Variants in CDH11 observed in about 807,000 individuals in gnomAD.
CDH11 encodes cadherin-11.
CDH11 carries 11 observed loss-of-function variants against 67.8 expected under a neutral mutation model. That is an observed-to-expected ratio of 0.16 (90% CI 0.10 to 0.27). The LOEUF is 0.27. Among genes scored for constraint, CDH11 ranks in the 10% least tolerant of loss-of-function variants. The probability of loss-of-function intolerance (pLI) is 1.00; values close to 1 mark genes in which losing one functional copy is unlikely to be tolerated. For synonymous variants in CDH11, 419 were observed against 400.0 expected, an observed-to-expected ratio of 1.05 and a Z score of -0.57; for missense variants, 847 against 1,031.2, an observed-to-expected ratio of 0.82 and a Z score of 2.45.
intron 12 of CDH11, chr16:64,948,853 C>T (rs2071271141): frequency 9.1e-7 from 1 of 1,094,254 alleles, no homozygotes; most frequent in Non-Finnish European, 1.3e-6. Flanking sequence ...TCATTGATTC[C>T]CTCTTTTCCC....
At chr16:64,980,465 C>T (rs2072303479) in intron 8 of CDH11, among the ~76,000 whole-genome samples, 1 of 152,002 alleles carries the variant, frequency 6.6e-6, no homozygotes, top group Non-Finnish European at 1.5e-5. Context: ...TCTAGGGAGC[C>T]CTGGAAGAAT....
intron 1 of CDH11, among the ~76,000 whole-genome samples, chr16:65,118,065 G>GAA (rs2075272136): frequency 6.6e-6 from 1 of 152,180 alleles, no homozygotes; most frequent in African/African-American, 2.4e-5. Context: ...GGTCTCTCCT[G>GAA]AGAGGGCCAG....
chr16:64,999,542 CT>C (rs932532536), intron 3 of CDH11, among the ~76,000 whole-genome samples: 5 of 150,694 alleles, frequency 3.3e-5, no homozygotes, highest in East Asian at 1.9e-4. Flanking sequence ...TTGGGTTTTT[CT>C]TTTTTTTTGA....
chr16:65,102,516 C>T lies in CDH11; in HGVS notation c.-298+19364G>A, dbSNP rs575414423. Reference sequence around the variant, plus strand: ...CTGTAATACATTAACTCTGGACTTGCCCATATGACCCTGGCCTGTAGCCAA... The same window carrying T: ...CTGTAATACATTAACTCTGGACTTGTCCATATGACCCTGGCCTGTAGCCAA... On this transcript the variant is annotated intron_variant, in intron 1 of 12. Transcript: ENST00000268603. Among the ~76,000 whole-genome samples, 171 of 152,346 alleles carry T rather than the reference C, an allele frequency of 1.1e-3. 2 individuals carry two copies. Among genetic ancestry groups the T allele is most frequent in the Middle Eastern group, 3.4e-3 (1 of 294 alleles).
intron 2 of CDH11, among the ~76,000 whole-genome samples, chr16:65,046,653 A>G (rs1034911822): frequency 1.1e-4 from 17 of 152,182 alleles, no homozygotes; most frequent in African/African-American, 4.1e-4. Context: ...TGGCAAAATG[A>G]TTTTTTAAAA....
chr16:65,108,799 T>G (rs540835487), intron 1 of CDH11, among the ~76,000 whole-genome samples: 2 of 152,290 alleles, frequency 1.3e-5, no homozygotes, highest in Admixed American at 6.5e-5. Flanking sequence ...TTAGTCCTCT[T>G]TGGGTAGTGA....
intron 1 of CDH11, among the ~76,000 whole-genome samples, chr16:65,054,205 A>T (rs947050026): frequency 3.3e-5 from 5 of 152,218 alleles, no homozygotes; most frequent in Non-Finnish European, 7.3e-5. Context: ...TTCTTATAAC[A>T]TGCTGTGTCA....
intron 1 of CDH11, among the ~76,000 whole-genome samples, chr16:65,084,737 A>G (rs2142811715): frequency 6.6e-6 from 1 of 152,276 alleles, no homozygotes; most frequent in South Asian, 2.1e-4. Context: ...TTTTTGTATA[A>G]TATCTTACAA....
intron 2 of CDH11, among the ~76,000 whole-genome samples, chr16:65,028,000 G>A (rs1430615635): frequency 1.3e-5 from 2 of 152,254 alleles, no homozygotes; most frequent in South Asian, 2.1e-4. Flanking sequence ...AATTAAAAGA[G>A]GTCAGGATAT....
intron 11 of CDH11, among the ~76,000 whole-genome samples, chr16:64,964,600 G>A (rs547115290): frequency 6.6e-6 from 1 of 152,054 alleles, no homozygotes; most frequent in African/African-American, 2.4e-5. Flanking sequence ...CCAGGCTGGA[G>A]TGCAGTGGCC....
intron 1 of CDH11, among the ~76,000 whole-genome samples, chr16:65,077,182 G>A (rs1433345997): frequency 1.3e-5 from 2 of 152,190 alleles, no homozygotes; most frequent in Non-Finnish European, 2.9e-5. Flanking sequence ...ATACCTGCAT[G>A]TCTAACTTCT....
chr16:64,950,650 T>C, intron 12 of CDH11, 117 bp downstream of exon 12: 3 of 628,838 alleles, frequency 4.8e-6, no homozygotes, highest in Non-Finnish European at 6.7e-6. Flanking sequence ...TTTCTTGAAC[T>C]GTGTCGACAG....
At chr16:64,993,097 A>T (rs981608005) in intron 4 of CDH11, 63 bp from the exon 5 acceptor site, 10 of 1,388,414 alleles carry the variant, frequency 7.2e-6, no homozygotes, top group Admixed American at 5.1e-5. Context: ...GTTCTTGTTT[A>T]CAAAGTTTTA....
chr16:65,062,292 C>G (rs747142600), intron 1 of CDH11, among the ~76,000 whole-genome samples: 3 of 152,112 alleles, frequency 2.0e-5, no homozygotes, highest in Admixed American at 6.5e-5. Flanking sequence ...TCCAGACAAC[C>G]AAGAAATCCG....
At chr16:65,006,053 G>A (rs1294358507) in intron 2 of CDH11, among the ~76,000 whole-genome samples, 1 of 150,502 alleles carries the variant, frequency 6.6e-6, no homozygotes, top group Admixed American at 6.6e-5. Flanking sequence ...TTCTTCATTG[G>A]ACTTTCTCAT....
upstream of CDH11, chr16:65,122,432 G>A (rs1034296810): frequency 5.7e-6 from 1 of 176,540 alleles, no homozygotes; most frequent in African/African-American, 2.4e-5. Flanking sequence ...GGAAGCTGGA[G>A]AGGGGTTGGG....
chr16:65,091,671 C>A (rs1382164157), intron 1 of CDH11, among the ~76,000 whole-genome samples: 3 of 151,864 alleles, frequency 2.0e-5, no homozygotes, highest in Non-Finnish European at 4.4e-5. Context: ...CCTGCCTCAG[C>A]CTCCCGAGTA....
At chr16:65,058,662 T>C (rs1158259044) in intron 1 of CDH11, among the ~76,000 whole-genome samples, 1 of 152,178 alleles carries the variant, frequency 6.6e-6, no homozygotes, top group African/African-American at 2.4e-5. Context: ...GCTAGGATTG[T>C]AGATCATGAT....
At chr16:65,063,309 A>G (rs1178041779) in intron 1 of CDH11, among the ~76,000 whole-genome samples, 1 of 152,078 alleles carries the variant, frequency 6.6e-6, no homozygotes, top group Non-Finnish European at 1.5e-5. Flanking sequence ...ACTTTTACTA[A>G]CTCCATTGTT....
Sources: allele counts gnomAD v4.1 joint callset (sites outside exome capture counted in the v4.1 genomes callset), GRCh38; gene constraint gnomAD v4.1.1; transcripts MANE v1.5; gene names NCBI Gene and HGNC (gene_info 2026-07-23, HGNC 2026-07-21).